Variants in CRACD observed in about 807,000 individuals in gnomAD.
CRACD encodes the protein capping protein-inhibiting regulator of actin dynamics.
In CRACD, 56 loss-of-function variants were observed where a neutral mutation model predicts 106.8. The ratio of observed to expected loss-of-function variants is 0.52; its 90% CI spans 0.42 to 0.66. The LOEUF is 0.66. Among genes scored for constraint, CRACD ranks in the 30% least tolerant of loss-of-function variants. The probability of loss-of-function intolerance (pLI) is 0.00; values close to 1 mark genes in which losing one functional copy is unlikely to be tolerated. For missense variants in CRACD, 1,730 were observed against 1,623.2 expected, an observed-to-expected ratio of 1.07 and a Z score of -1.13; for synonymous variants, 754 against 670.8, an observed-to-expected ratio of 1.12 and a Z score of -1.92.
chr4:56,219,736 G>T (rs1356586244), intron 2 of CRACD, among the ~76,000 whole-genome samples: 1 of 152,182 alleles, frequency 6.6e-6, no homozygotes, highest in East Asian at 1.9e-4. Context: ...CTTTTGTTTA[G>T]TAAGTGTTCA....
At chr4:56,197,899 G>C (rs1472799670) in intron 2 of CRACD, among the ~76,000 whole-genome samples, 2 of 152,030 alleles carry the variant, frequency 1.3e-5, no homozygotes, top group Non-Finnish European at 2.9e-5. Flanking sequence ...GGATGGTCTC[G>C]ATCTCCTGAC....
intron 2 of CRACD, among the ~76,000 whole-genome samples, chr4:56,224,061 T>C (rs1394453834): frequency 6.6e-6 from 1 of 152,224 alleles, no homozygotes; most frequent in Non-Finnish European, 1.5e-5. Flanking sequence ...CTGGCCTGTT[T>C]TAATTGATGA....
At chr4:56,060,204 T>C (rs1459824156) in intron 1 of CRACD, among the ~76,000 whole-genome samples, 1 of 152,078 alleles carries the variant, frequency 6.6e-6, no homozygotes, top group Non-Finnish European at 1.5e-5. Context: ...GAGTGGTGCG[T>C]GTCCCCTGTT....
intron 2 of CRACD, among the ~76,000 whole-genome samples, chr4:56,191,213 C>T (rs956713908): frequency 2.0e-5 from 3 of 152,202 alleles, no homozygotes; most frequent in Non-Finnish European, 4.4e-5. Flanking sequence ...TTCTAGAGAT[C>T]AGAAGTCTCA....
At chr4:56,055,380 G>A (rs1343945551) in intron 1 of CRACD, among the ~76,000 whole-genome samples, 1 of 151,896 alleles carries the variant, frequency 6.6e-6, no homozygotes, top group African/African-American at 2.4e-5. Flanking sequence ...ACAATGGGCT[G>A]TTTCCTCACT....
intron 2 of CRACD, chr4:56,246,719 G>T (rs529171353): frequency 3.3e-5 from 5 of 152,202 alleles, no homozygotes; most frequent in Admixed American, 6.5e-5. Context: ...GAAGGTAAGT[G>T]TATGGAATGT....
At chr4:56,260,748 T>C (rs1464992792) in intron 2 of CRACD, among the ~76,000 whole-genome samples, 1 of 152,222 alleles carries the variant, frequency 6.6e-6, no homozygotes, top group African/African-American at 2.4e-5. Flanking sequence ...AGTCCATGGC[T>C]GTGAATCCAG....
intron 1 of CRACD, among the ~76,000 whole-genome samples, chr4:56,164,118 T>C (rs1038536358): frequency 6.7e-6 from 1 of 149,818 alleles, no homozygotes; most frequent in Non-Finnish European, 1.5e-5. Context: ...ACATATACTT[T>C]TGCTGGTACA....
intron 1 of CRACD, among the ~76,000 whole-genome samples, chr4:56,064,969 G>A (rs1732410081): frequency 6.6e-6 from 1 of 151,942 alleles, no homozygotes; most frequent in Admixed American, 6.6e-5. Context: ...TTTTGGCCTT[G>A]TAGTTCAAGA....
At chr4:56,300,263 T>A (rs1262964873) in intron 4 of CRACD, among the ~76,000 whole-genome samples, 1 of 152,258 alleles carries the variant, frequency 6.6e-6, no homozygotes, top group Admixed American at 6.5e-5. Flanking sequence ...AAATGTAGCA[T>A]GTGGCAGACA....
intron 4 of CRACD, among the ~76,000 whole-genome samples, chr4:56,305,075 G>C (rs966122812): frequency 1.3e-5 from 2 of 151,960 alleles, no homozygotes; most frequent in Admixed American, 6.6e-5. Context: ...CTGAAAATTA[G>C]CCAGGTGTGG....
chr4:56,203,762 A>G (rs1333106330), intron 2 of CRACD, among the ~76,000 whole-genome samples: 1 of 152,218 alleles, frequency 6.6e-6, no homozygotes, highest in Non-Finnish European at 1.5e-5. Context: ...CATTGATTCC[A>G]TGCCCATGAA....
At chr4:56,117,313 G>A (rs564092322) in intron 1 of CRACD, among the ~76,000 whole-genome samples, 30 of 152,232 alleles carry the variant, frequency 2.0e-4, no homozygotes, top group African/African-American at 6.7e-4. Flanking sequence ...GAGCCTCCGT[G>A]CCCGGCCCGA....
intron 2 of CRACD, among the ~76,000 whole-genome samples, chr4:56,207,298 G>A (rs1738167894): frequency 6.6e-6 from 1 of 152,122 alleles, no homozygotes; most frequent in South Asian, 2.1e-4. Flanking sequence ...TAAAACTATA[G>A]CCTTTACAGT....
At chr4:56,259,738 G>A (rs1242738305) in intron 2 of CRACD, among the ~76,000 whole-genome samples, 4 of 152,034 alleles carry the variant, frequency 2.6e-5, no homozygotes, top group African/African-American at 7.2e-5. Flanking sequence ...ACAGTCATCC[G>A]ACCCCTGTGG....
intron 2 of CRACD, among the ~76,000 whole-genome samples, chr4:56,212,118 C>G (rs140500427): frequency 7.2e-5 from 11 of 152,316 alleles, no homozygotes; most frequent in Non-Finnish European, 1.5e-4. Flanking sequence ...CAGCCAAAAC[C>G]TGCCAGAACC....
chr4:56,152,440 C>T (rs1212568263), intron 1 of CRACD, among the ~76,000 whole-genome samples: 1 of 151,786 alleles, frequency 6.6e-6, no homozygotes, highest in East Asian at 1.9e-4. Flanking sequence ...TTGAGACCAG[C>T]CTGGACAACA....
chr4:56,143,433 T>A (rs935290865), intron 1 of CRACD, among the ~76,000 whole-genome samples: 1 of 152,280 alleles, frequency 6.6e-6, no homozygotes, highest in East Asian at 1.9e-4. Flanking sequence ...ACAGGTCTTC[T>A]GTCTTATTCC....
intron 10 of CRACD, among the ~76,000 whole-genome samples, chr4:56,324,501 G>C (rs1746305198): frequency 1.3e-5 from 2 of 152,142 alleles, no homozygotes; most frequent in Admixed American, 6.5e-5. Flanking sequence ...AGCTCTTGAG[G>C]GGGTAGAGAG....
Sources: gnomAD v4.1 joint callset for allele counts (sites outside exome capture counted in the v4.1 genomes callset) on GRCh38, gnomAD v4.1.1 for gene constraint, MANE v1.5 for transcripts, NCBI Gene and HGNC (gene_info 2026-07-23, HGNC 2026-07-21) for gene names.